Variants in EXOC6 observed in about 807,000 individuals in gnomAD.
EXOC6 encodes the protein exocyst complex component 6.
A neutral mutation model predicts 112.5 loss-of-function variants in EXOC6; 60 were observed. The ratio of observed to expected loss-of-function variants is 0.53; its 90% CI spans 0.43 to 0.66. The LOEUF (loss-of-function observed/expected upper bound fraction) is 0.66, where lower values mean the gene tolerates loss of function less well. Ranked by LOEUF, EXOC6 falls within the 30% of genes least tolerant of loss-of-function variation. The pLI is 0.00. For synonymous variants in EXOC6, 295 were observed against 308.0 expected (o/e 0.96, Z 0.44); for missense variants, 855 against 957.1 (o/e 0.89, Z 1.41).
chr10:92,943,519 C>A (rs781152591), intron 13 of EXOC6, among the ~76,000 whole-genome samples: 11 of 152,110 alleles, frequency 7.2e-5, no homozygotes, highest in Non-Finnish European at 1.3e-4. Context: ...TATCTGTATG[C>A]AGCTCTCTCT....
At chr10:92,834,270 A>C (rs1466723119), upstream of EXOC6, among the ~76,000 whole-genome samples, 1 of 152,138 alleles carries the variant, frequency 6.6e-6, no homozygotes, top group African/African-American at 2.4e-5. Context: ...GCCCTTGCCC[A>C]CAAATACAAA....
intron 20 of EXOC6, among the ~76,000 whole-genome samples, chr10:93,024,472 C>A (rs1396778541): frequency 6.6e-6 from 1 of 152,050 alleles, no homozygotes; most frequent in African/African-American, 2.4e-5. Flanking sequence ...CACTCTGTTG[C>A]CCAGGCTGCA....
rs1454140423 is a variant in EXOC6, at chr10:92,909,448, T to C, written c.480T>C (p.Thr160=). The change falls in exon 6 of 22, where the codon ACT becomes ACC. Residue 160 remains threonine, a synonymous_variant. Coordinates refer to ENST00000260762, the MANE Select transcript of EXOC6 (RefSeq NM_019053.6). Reference sequence around the variant, plus strand: ...ACAGGTACTATTCTGCCCTAAAAACTATGGAACAATTAGAGAATGTGTACT... The same window carrying C: ...ACAGGTACTATTCTGCCCTAAAAACCATGGAACAATTAGAGAATGTGTACT... The part of the protein sequence containing the change: ...SAKRYYSALK[T]MEQLENVYFP... The C allele has an allele frequency of 6.2e-7, 1 of 1,612,874 alleles. No homozygotes were observed. Among genetic ancestry groups the C allele is most frequent in the Non-Finnish European group, 8.5e-7 (1 of 1,179,400 alleles).
chr10:93,050,821 G>A (rs1436000878), intron 20 of EXOC6, among the ~76,000 whole-genome samples: 3 of 145,562 alleles, frequency 2.1e-5, no homozygotes, highest in Non-Finnish European at 3.0e-5. Flanking sequence ...GCAGTGAGCC[G>A]AGATTGCACC....
At chr10:92,934,270 T>G (rs1443751175) in intron 10 of EXOC6, 40 bp from the exon 11 acceptor site, 1 of 1,528,078 alleles carries the variant, frequency 6.5e-7, no homozygotes, top group African/African-American at 1.4e-5. Context: ...CTATTAGGGT[T>G]TTTTTTTTTA....
intron 20 of EXOC6, among the ~76,000 whole-genome samples, chr10:93,038,052 A>G (rs1845596106): frequency 6.7e-6 from 1 of 149,552 alleles, no homozygotes; most frequent in African/African-American, 2.5e-5. Flanking sequence ...AAAAAAAAAA[A>G]AAAAAAAAAA....
At chr10:93,023,586 G>A (rs1177028206) in intron 20 of EXOC6, among the ~76,000 whole-genome samples, 3 of 152,108 alleles carry the variant, frequency 2.0e-5, no homozygotes, top group South Asian at 2.1e-4. Flanking sequence ...TGATTTGTTC[G>A]TGTAAATTTT....
At chr10:92,954,899 A>T (rs910061145) in intron 16 of EXOC6, among the ~76,000 whole-genome samples, 158 bp downstream of exon 16, 1 of 152,268 alleles carries the variant, frequency 6.6e-6, no homozygotes, top group African/African-American at 2.4e-5. Flanking sequence ...TAAATTCCAG[A>T]AATGTGAGGA....
chr10:92,837,805 G>C (rs969665662), intron 1 of EXOC6, among the ~76,000 whole-genome samples: 1 of 152,166 alleles, frequency 6.6e-6, no homozygotes, highest in African/African-American at 2.4e-5. Context: ...TAGGATACTG[G>C]GACTGGAAAT....
At chr10:93,034,843 CT>C (rs1845439876) in intron 20 of EXOC6, among the ~76,000 whole-genome samples, 1 of 152,218 alleles carries the variant, frequency 6.6e-6, no homozygotes, top group South Asian at 2.1e-4. Context: ...AAACTTGCCC[CT>C]GTGACTACTT....
intron 19 of EXOC6, among the ~76,000 whole-genome samples, chr10:93,010,580 TC>T (rs990408883): frequency 7.9e-5 from 12 of 151,674 alleles, no homozygotes; most frequent in Admixed American, 3.3e-4. Context: ...ACGTCTGTAA[TC>T]CCAGCTACTT....
chr10:92,990,067 T>G (rs1843167489), intron 18 of EXOC6, among the ~76,000 whole-genome samples: 1 of 152,172 alleles, frequency 6.6e-6, no homozygotes, highest in East Asian at 1.9e-4. Context: ...AAAAAAACTT[T>G]GAGACAAAAT....
At chr10:92,854,493 ACT>A (rs1564774055) in intron 1 of EXOC6, among the ~76,000 whole-genome samples, 7 of 151,710 alleles carry the variant, frequency 4.6e-5, no homozygotes. Context: ...AAGAACTGGC[ACT>A]CTCATACACT....
chr10:92,978,927 A>ACATT, intron 18 of EXOC6, among the ~76,000 whole-genome samples: 1 of 152,318 alleles, frequency 6.6e-6, no homozygotes, highest in South Asian at 2.1e-4. Flanking sequence ...GTGTTCAGGA[A>ACATT]CAATGGAGTA....
At chr10:93,025,105 T>C (rs1237848466) in intron 20 of EXOC6, among the ~76,000 whole-genome samples, 1 of 152,178 alleles carries the variant, frequency 6.6e-6, no homozygotes, top group African/African-American at 2.4e-5. Context: ...TTAAATTTAG[T>C]AAGAAAAATA....
chr10:92,876,524 C>T (rs1341642964), intron 1 of EXOC6, among the ~76,000 whole-genome samples: 1 of 152,074 alleles, frequency 6.6e-6, no homozygotes, highest in African/African-American at 2.4e-5. Context: ...TGCCTTTTAA[C>T]CTGGAGTATC....
At chr10:92,885,271 A>T (rs575731206) in intron 1 of EXOC6, among the ~76,000 whole-genome samples, 1 of 152,336 alleles carries the variant, frequency 6.6e-6, no homozygotes, top group East Asian at 1.9e-4. Flanking sequence ...TTTTTGAGAC[A>T]CAAAGTATTT....
intron 19 of EXOC6, among the ~76,000 whole-genome samples, chr10:93,005,436 T>C (rs1007565857): frequency 6.6e-6 from 1 of 152,200 alleles, no homozygotes; most frequent in Non-Finnish European, 1.5e-5. Context: ...AATCAGTGTA[T>C]GTACTTTGTT....
At position 92,842,405 on chromosome 10, in the gene EXOC6, T is replaced by A. The variant is rs1846890762; in HGVS notation, c.86+7581T>A. 2.0e-5 allele frequency among the ~76,000 whole-genome samples: 3 copies of A among 150,246 alleles called. No homozygotes were observed. In the South Asian group the frequency reaches 6.3e-4, roughly 32 times the overall value. ...GGTAAGGAATAGGAAGATTTAGGGA[T>A]GCTAATATCCCTAGCCAGGGAGTAA... On this transcript the variant is annotated intron_variant, in intron 1 of 21. Transcript: ENST00000371552.
Sources: gnomAD v4.1 joint callset for allele counts (sites outside exome capture counted in the v4.1 genomes callset) on GRCh38, gnomAD v4.1.1 for gene constraint, MANE v1.5 for transcripts, NCBI Gene and HGNC (gene_info 2026-07-23, HGNC 2026-07-21) for gene names.